Variants in TSPAN15 observed in about 807,000 individuals in gnomAD.
TSPAN15 encodes the protein tetraspanin 15.
TSPAN15 carries 20 observed loss-of-function variants against 34.5 expected under a neutral mutation model. The observed-to-expected ratio is 0.58, with a 90% CI of 0.41 to 0.84. The LOEUF is 0.84. Ranked by LOEUF, TSPAN15 falls within the 40% of genes least tolerant of loss-of-function variation. The probability of loss-of-function intolerance (pLI) is 0.00; values close to 1 mark genes in which losing one functional copy is unlikely to be tolerated. For missense variants in TSPAN15, 313 were observed against 386.1 expected (o/e 0.81, Z 1.59); for synonymous variants, 155 against 153.9 (o/e 1.01, Z -0.05).
chr10:69,547,882 A>G, the TSPAN15 span, among the ~76,000 whole-genome samples: 7 of 152,244 alleles, frequency 4.6e-5, no homozygotes, highest in Admixed American at 2.0e-4. Flanking sequence ...ATGTCAATCC[A>G]GCCTAGTGAT....
At chr10:69,452,473 C>A (rs548986490) in intron 1 of TSPAN15, among the ~76,000 whole-genome samples, 1 of 152,302 alleles carries the variant, frequency 6.6e-6, no homozygotes, top group African/African-American at 2.4e-5. Flanking sequence ...GAAGTTACTT[C>A]ATTCCTCTCG....
chr10:69,547,967 G>A, the TSPAN15 span, among the ~76,000 whole-genome samples: 1 of 152,208 alleles, frequency 6.6e-6, no homozygotes, highest in East Asian at 1.9e-4. Context: ...ACCCAATTTG[G>A]ATAATGTATT....
intron 1 of TSPAN15, among the ~76,000 whole-genome samples, chr10:69,467,010 G>C (rs1012817509): frequency 1.3e-5 from 2 of 152,198 alleles, no homozygotes; most frequent in Non-Finnish European, 2.9e-5. Flanking sequence ...CTGGGAGCCC[G>C]TTCCTGACCT....
chr10:69,462,581 C>T (rs77684028), intron 1 of TSPAN15, among the ~76,000 whole-genome samples: 2,736 of 150,772 alleles, frequency 0.018, 95 homozygotes, highest in East Asian at 0.11. Flanking sequence ...GTGATCCGCC[C>T]GCCTCGGCCT....
In TSPAN15 at chr10:69,503,326, G is replaced by A. The variant is rs138333443; in HGVS notation, c.571-1112G>A. ...ACCCTCCCTTTCCTTTGCAGGGGCT[G>A]GAATTGTGAACAAATCACGCCAGCC... On this transcript the variant is annotated intron_variant, in intron 5 of 7. Transcript: ENST00000373290. Among the ~76,000 whole-genome samples the A allele has an allele frequency of 2.9e-3, 436 of 152,322 alleles. 3 individuals carry two copies. The highest frequency in any genetic ancestry group is 0.01 in the African/African-American group (423 of 41,572).
At chr10:69,451,938 C>A (rs1017589389) in intron 1 of TSPAN15, among the ~76,000 whole-genome samples, 1 of 152,268 alleles carries the variant, frequency 6.6e-6, no homozygotes, top group Admixed American at 6.5e-5. Context: ...CTGTGTGCAC[C>A]GGCTGGGCGG....
At chr10:69,541,154 T>C in the TSPAN15 span, among the ~76,000 whole-genome samples, 4,733 of 152,136 alleles carry the variant, frequency 0.031, 95 homozygotes, top group Non-Finnish European at 0.047. Flanking sequence ...GCCATGTCAA[T>C]CAGACAGTGA....
the TSPAN15 span, among the ~76,000 whole-genome samples, chr10:69,549,052 A>C: frequency 1.3e-5 from 2 of 151,862 alleles, no homozygotes; most frequent in East Asian, 3.8e-4. Context: ...TCTTTAATGG[A>C]ATACAATAAA....
At chr10:69,512,712 C>T in the TSPAN15 span, among the ~76,000 whole-genome samples, 222 of 152,334 alleles carry the variant, frequency 1.5e-3, 1 homozygote, top group African/African-American at 5.1e-3. Context: ...TGTCTGGCTT[C>T]TTTCACTCAG....
intron 1 of TSPAN15, among the ~76,000 whole-genome samples, chr10:69,455,290 G>C: frequency 6.6e-6 from 1 of 152,072 alleles, no homozygotes; most frequent in East Asian, 1.9e-4. Context: ...GTAGTCAAAG[G>C]ATGTCCTAGG....
chr10:69,474,431 A>G (rs889601124), intron 1 of TSPAN15, among the ~76,000 whole-genome samples: 9 of 152,098 alleles, frequency 5.9e-5, no homozygotes, highest in Non-Finnish European at 1.2e-4. Flanking sequence ...AGGACCTTGG[A>G]CTGGAGGCTG....
intron 3 of TSPAN15, among the ~76,000 whole-genome samples, chr10:69,489,401 A>G (rs1316962397): frequency 6.6e-6 from 1 of 152,266 alleles, no homozygotes; most frequent in African/African-American, 2.4e-5. Context: ...AGTGGCCGTA[A>G]GGTGACATAC....
At chr10:69,522,569 G>A in the TSPAN15 span, among the ~76,000 whole-genome samples, 1 of 146,586 alleles carries the variant, frequency 6.8e-6, no homozygotes, top group Non-Finnish European at 1.5e-5. Flanking sequence ...GAACCAGGCT[G>A]CACAGCAGGA....
chr10:69,523,545 G>C, the TSPAN15 span: 1 of 419,032 alleles, frequency 2.4e-6, no homozygotes, highest in Admixed American at 3.5e-5. Context: ...CCTTCCCAGA[G>C]GCATCTGGGA....
At chr10:69,498,024 C>G (rs1231017121) in intron 4 of TSPAN15, among the ~76,000 whole-genome samples, 1 of 152,186 alleles carries the variant, frequency 6.6e-6, no homozygotes, top group Non-Finnish European at 1.5e-5. Context: ...CTCCCAGTGC[C>G]TAGTCACTAC....
At position 69,507,078 on chromosome 10, in the gene TSPAN15, C is replaced by T. The variant is rs756084852; in HGVS notation, c.*100C>T. 5 of 1,530,842 alleles carry T rather than the reference C, an allele frequency of 3.3e-6. No homozygotes were observed. Among genetic ancestry groups the T allele is most frequent in the Non-Finnish European group, 4.4e-6 (5 of 1,140,880 alleles). The allele number at this position is 1,530,842 out of a possible 1,614,324, so 94.8% of individuals were successfully genotyped here. A position where few individuals can be genotyped will look rare whatever the true frequency, so the allele number is the denominator to read the frequency against. On this transcript the variant is annotated 3_prime_UTR_variant, in exon 8 of 8. Coordinates refer to ENST00000373290, the MANE Select transcript of TSPAN15 (RefSeq NM_012339.5). ...CAGGGCTGCGGCCCCTCTGCCCACA[C>T]TCAGTACTGACCAAAGCCAGGGCTG...
chr10:69,515,306 C>G, the TSPAN15 span, among the ~76,000 whole-genome samples: 8 of 152,274 alleles, frequency 5.3e-5, 1 homozygote, highest in East Asian at 1.4e-3. Context: ...AATTTGAGGT[C>G]CTATCCACCA....
the TSPAN15 span, among the ~76,000 whole-genome samples, chr10:69,519,707 A>G: frequency 2.0e-5 from 3 of 152,246 alleles, no homozygotes; most frequent in South Asian, 2.1e-4. Context: ...TGTGCTAAAT[A>G]TATTAATACA....
intron 3 of TSPAN15, among the ~76,000 whole-genome samples, chr10:69,486,781 A>G (rs1564609826): frequency 2.0e-5 from 3 of 152,240 alleles, no homozygotes; most frequent in Admixed American, 6.5e-5. Flanking sequence ...GGCCTCCTGC[A>G]GTGGGACCTA....
Sources: gnomAD v4.1 joint callset for allele counts (sites outside exome capture counted in the v4.1 genomes callset) on GRCh38, gnomAD v4.1.1 for gene constraint, MANE v1.5 for transcripts, NCBI Gene and HGNC (gene_info 2026-07-23, HGNC 2026-07-21) for gene names.